The following OR2M4 variants were observed in gnomAD, a reference collection of about 807,000 sequenced individuals.
OR2M4 encodes olfactory receptor family 2 subfamily M member 4.
OR2M4 carries 8 observed loss-of-function variants against 13.7 expected under a neutral mutation model. The observed-to-expected ratio is 0.58, with a 90% CI of 0.34 to 1.05. The LOEUF is 1.05. Among genes scored for constraint, OR2M4 ranks in the 50% least tolerant of loss-of-function variants. OR2M4 has a pLI of 0.02. For missense variants in OR2M4, 374 were observed against 381.6 expected, an observed-to-expected ratio of 0.98 and a Z score of 0.17; for synonymous variants, 152 against 141.3, an observed-to-expected ratio of 1.08 and a Z score of -0.53.
intron 1 of OR2M4, among the ~76,000 whole-genome samples, chr1:248,234,022 G>A (rs757121614): frequency 3.9e-5 from 6 of 152,062 alleles, no homozygotes; most frequent in African/African-American, 1.2e-4. Flanking sequence ...CTTCGGGCTC[G>A]CAGATCTAAC....
intron 1 of OR2M4, among the ~76,000 whole-genome samples, chr1:248,236,324 T>C (rs1374159753): frequency 1.3e-5 from 2 of 152,034 alleles, no homozygotes; most frequent in Non-Finnish European, 2.9e-5. Context: ...GGATAAATAA[T>C]TAAATTGAGA....
At chr1:248,231,607 A>G (rs1342563969) in intron 1 of OR2M4, 27 bp downstream of exon 1, 1 of 152,138 alleles carries the variant, frequency 6.6e-6, no homozygotes, top group East Asian at 1.9e-4. Context: ...ACACTCTTTA[A>G]AAGAAAAAAA....
In OR2M4 at chr1:248,239,568, ATCATACTTTCCTATTCCCATGT is replaced by A; in HGVS notation, c.641_662del (p.Ile214ThrfsTer40). The A allele has an allele frequency of 6.2e-7, 1 of 1,614,116 alleles. No individual in the cohort carries two copies. The highest frequency in any genetic ancestry group is 1.1e-5 in the South Asian group (1 of 91,082). ...AATGCTAATCTTTCCAGTTTCAGTTATCATACTTTCCTATTCCCATGTCCTTCGAGCCGTCATCCACATGGGC... is the reference window on the plus strand; with the variant it reads ...AATGCTAATCTTTCCAGTTTCAGTTACCTTCGAGCCGTCATCCACATGGGC... On this transcript the variant is annotated frameshift_variant, in exon 2 of 2. Coordinates refer to ENST00000641868, the MANE Select transcript of OR2M4 (RefSeq NM_017504.2). LOFTEE classifies it high-confidence loss of function.
At chr1:248,237,568 G>A (rs1414447053) in intron 1 of OR2M4, among the ~76,000 whole-genome samples, 2 of 152,002 alleles carry the variant, frequency 1.3e-5, no homozygotes, top group Non-Finnish European at 2.9e-5. Flanking sequence ...TGGGAAAATT[G>A]CTTGAAACCA....
chr1:248,239,106 T>C lies in OR2M4; in HGVS notation c.178T>C (p.Tyr60His). ...YIEKQLHTPM[Y>H]FLLSQLSLMD... ...AGAGAAACAGCTCCACACCCCCATG[T>C]ACTTCCTCCTCAGTCAACTGTCCCT... The change falls in exon 2 of 2, where the codon TAC (tyrosine) becomes CAC (histidine). Residue 60 changes from tyrosine (Y) to histidine (H), a missense_variant. Transcript: ENST00000641868. 6.2e-7 allele frequency: 1 copy of C among 1,614,070 alleles called. No homozygotes were observed. Among genetic ancestry groups the C allele is most frequent in the Non-Finnish European group, 8.5e-7 (1 of 1,179,982 alleles).
At chr1:248,232,830 G>C (rs905092558) in intron 1 of OR2M4, among the ~76,000 whole-genome samples, 12 of 152,040 alleles carry the variant, frequency 7.9e-5, no homozygotes. Context: ...ATATATTCTT[G>C]TAGGAAATTT....
intron 1 of OR2M4, among the ~76,000 whole-genome samples, chr1:248,233,715 A>T (rs1456208466): frequency 1.3e-5 from 2 of 152,300 alleles, no homozygotes; most frequent in East Asian, 3.9e-4. Flanking sequence ...GAAATCTGGA[A>T]ATTCAAAAAA....
intron 1 of OR2M4, among the ~76,000 whole-genome samples, chr1:248,236,278 C>T (rs1024877286): frequency 8.6e-5 from 13 of 152,046 alleles, no homozygotes; most frequent in Non-Finnish European, 1.2e-4. Context: ...CACACAACTA[C>T]GTAGAAATTG....
intron 1 of OR2M4, among the ~76,000 whole-genome samples, chr1:248,236,532 G>T (rs971981683): frequency 4.6e-5 from 7 of 151,676 alleles, no homozygotes; most frequent in African/African-American, 1.7e-4. Context: ...AAATCCAAAG[G>T]CTAGCAGAAG....
At chr1:248,238,025 C>T (rs755147457) in intron 1 of OR2M4, among the ~76,000 whole-genome samples, 7 of 152,054 alleles carry the variant, frequency 4.6e-5, no homozygotes, top group Admixed American at 2.6e-4. Context: ...GTCCTCACTA[C>T]AAAAAAATGA....
At chr1:248,232,461 A>C (rs1223690490) in intron 1 of OR2M4, among the ~76,000 whole-genome samples, 2 of 151,934 alleles carry the variant, frequency 1.3e-5, no homozygotes, top group African/African-American at 4.8e-5. Context: ...TTATCACTTC[A>C]GGCCCTCTTA....
chr1:248,235,875 G>T (rs528184674), intron 1 of OR2M4, among the ~76,000 whole-genome samples: 1 of 152,198 alleles, frequency 6.6e-6, no homozygotes, highest in East Asian at 1.9e-4. Flanking sequence ...TGTTGAAGTT[G>T]CTTGTCAGCT....
In OR2M4 at chr1:248,239,135, G is replaced by C. The variant is rs747647914; in HGVS notation, c.207G>C (p.Met69Ile). The C allele has an allele frequency of 6.2e-7, 1 of 1,613,904 alleles. No homozygotes were observed. The highest frequency in any genetic ancestry group is 8.5e-7 in the Non-Finnish European group (1 of 1,179,910). The change falls in exon 2 of 2, where the codon ATG (methionine) becomes ATC (isoleucine). Residue 69 changes from methionine (M) to isoleucine (I), a missense_variant. Coordinates refer to ENST00000641868, the MANE Select transcript of OR2M4 (RefSeq NM_017504.2). ...TCCTCCTCAGTCAACTGTCCCTTATGGACCTCATGCTCATCTGCACCACTC... is the reference window on the plus strand; with the variant it reads ...TCCTCCTCAGTCAACTGTCCCTTATCGACCTCATGCTCATCTGCACCACTC... Reference protein sequence around the residue: ...MYFLLSQLSLMDLMLICTTLP... With the variant: ...MYFLLSQLSLIDLMLICTTLP...
chr1:248,239,097 AC>A lies in OR2M4; in HGVS notation c.174del (p.Met59CysfsTer23). 1.2e-6 allele frequency: 2 copies of A among 1,613,534 alleles called. No individual in the cohort carries two copies. The highest frequency in any genetic ancestry group is 1.7e-6 in the Non-Finnish European group (2 of 1,179,906). The stretch of plus-strand genomic sequence containing the variant: ...CATCTACATAGAGAAACAGCTCCAC[AC>A]CCCCATGTACTTCCTCCTCAGTCAA... ...LLIYIEKQLH[T>X]PMYFLLSQLS... On this transcript the variant is annotated frameshift_variant, in exon 2 of 2. Transcript: ENST00000641868. LOFTEE classifies it high-confidence loss of function.
chr1:248,240,756 C>G lies in OR2M4; in HGVS notation c.*892C>G, dbSNP rs115245130. 3.3e-5 allele frequency: 5 copies of G among 152,194 alleles called. No homozygotes were observed. Among genetic ancestry groups the G allele is most frequent in the Non-Finnish European group, 7.3e-5 (5 of 68,060 alleles). The allele number at this position is 152,194 out of a possible 1,614,324, so 9.4% of individuals were successfully genotyped here. A position where few individuals can be genotyped will look rare whatever the true frequency, so the allele number is the denominator to read the frequency against. ...GAAGAGGTAGAAAAAACAACTTGAA[C>G]AGACAATGCCACCCCTCTCTCACCA... is the stretch of plus-strand genomic sequence containing the variant. On this transcript the variant is annotated 3_prime_UTR_variant, in exon 2 of 2. Coordinates refer to ENST00000641868, the MANE Select transcript of OR2M4 (RefSeq NM_017504.2).
chr1:248,232,947 C>T (rs902435877), intron 1 of OR2M4, among the ~76,000 whole-genome samples: 5 of 152,010 alleles, frequency 3.3e-5, no homozygotes, highest in Non-Finnish European at 5.9e-5. Context: ...TTCTCTAGTT[C>T]AACATTTGCT....
chr1:248,235,585 T>A (rs555333874), intron 1 of OR2M4, among the ~76,000 whole-genome samples: 1 of 152,148 alleles, frequency 6.6e-6, no homozygotes, highest in African/African-American at 2.4e-5. Context: ...AGGGCATACA[T>A]TGAGCAGTAT....
Position 248,238,902 on chromosome 1 carries a change from A to G in OR2M4, c.-19-8A>G, listed in dbSNP as rs1231340379. The G allele has an allele frequency of 6.7e-7, 1 of 1,494,054 alleles. No homozygotes were observed. Among genetic ancestry groups the G allele is most frequent in the East Asian group, 2.3e-5 (1 of 44,238 alleles). The allele number at this position is 1,494,054 out of a possible 1,614,324, so 92.5% of individuals were successfully genotyped here. On this transcript the variant is annotated splice_polypyrimidine_tract_variant and splice_region_variant and intron_variant, in intron 1 of 1. Transcript: ENST00000641868. ...TAAATAAGCTTGTACCTTCTTTGGA[A>G]TTCTCAGATAAGGCAAATTATCCAG...
intron 1 of OR2M4, among the ~76,000 whole-genome samples, chr1:248,235,855 C>A (rs982396131): frequency 7.9e-5 from 12 of 152,020 alleles, no homozygotes; most frequent in African/African-American, 2.7e-4. Context: ...GATTTTGTAT[C>A]CTGAGACGTT....
Sources: allele counts gnomAD v4.1 joint callset (sites outside exome capture counted in the v4.1 genomes callset), GRCh38; gene constraint gnomAD v4.1.1; transcripts MANE v1.5; gene names NCBI Gene and HGNC (gene_info 2026-07-23, HGNC 2026-07-21).